Variants in PRPF6 observed in about 807,000 individuals in gnomAD.
PRPF6 encodes pre-mRNA processing factor 6, also known as pre-mRNA-processing factor 6.
In PRPF6, 42 loss-of-function variants were observed where a neutral mutation model predicts 118.3. That is an observed-to-expected ratio of 0.35 (90% CI 0.28 to 0.46). PRPF6 has a LOEUF of 0.46. PRPF6 is among the 20% of genes least tolerant of loss of function. The probability of loss-of-function intolerance (pLI) is 1.00; values close to 1 mark genes in which losing one functional copy is unlikely to be tolerated. For missense variants in PRPF6, 662 were observed against 1,255.7 expected (o/e 0.53, Z 7.15); for synonymous variants, 481 against 485.1 (o/e 0.99, Z 0.11).
Position 64,022,936 on chromosome 20 carries a change from G to A in PRPF6, c.1769+58G>A, listed in dbSNP as rs930123989. 6 of 1,612,360 alleles carry A rather than the reference G, an allele frequency of 3.7e-6. No individual in the cohort carries two copies. In the African/African-American group the frequency reaches 8.0e-5, roughly 22 times the overall value. On this transcript the variant is annotated intron_variant, in intron 13 of 20. Transcript: ENST00000266079. ...TAATGAAACCTCCAGCTCCATTTGT[G>A]TAGCCCTGAATTTAAACCTCTCATG...
At chr20:63,987,311 A>G in intron 3 of PRPF6, among the ~76,000 whole-genome samples, 1 of 151,872 alleles carries the variant, frequency 6.6e-6, no homozygotes, top group Non-Finnish European at 1.5e-5. Context: ...GTTTGAGACC[A>G]TCCTGACCAA....
chr20:64,004,603 C>T (rs1370148278), intron 9 of PRPF6, among the ~76,000 whole-genome samples: 1 of 152,092 alleles, frequency 6.6e-6, no homozygotes, highest in Non-Finnish European at 1.5e-5. Context: ...GGAGAATGGG[C>T]GTTTTGGGTG....
intron 11 of PRPF6, 147 bp from the exon 12 acceptor site, chr20:64,016,576 C>T: frequency 2.0e-6 from 2 of 1,006,570 alleles, no homozygotes; most frequent in Non-Finnish European, 3.0e-6. Flanking sequence ...GTGCAGTAGA[C>T]TCACTTCCTC....
intron 6 of PRPF6, among the ~76,000 whole-genome samples, chr20:63,998,468 G>A (rs2059150770): frequency 6.6e-6 from 1 of 151,880 alleles, no homozygotes; most frequent in African/African-American, 2.4e-5. Context: ...CCAGGAGCTG[G>A]AGGCTGCACT....
rs2059291950 is a variant in PRPF6, at chr20:64,026,529, G to A, written c.2029-453G>A. 6.8e-6 allele frequency among the ~76,000 whole-genome samples: 1 copy of A among 148,138 alleles called. No homozygotes were observed. Among genetic ancestry groups the A allele is most frequent in the Non-Finnish European group, 1.5e-5 (1 of 67,126 alleles). On this transcript the variant is annotated intron_variant, in intron 15 of 20. Coordinates refer to ENST00000266079, the MANE Select transcript of PRPF6 (RefSeq NM_012469.4). The surrounding 1 kb of genome is among the most constrained non-coding windows in gnomAD (Gnocchi z 4.4). ...CAGCAACAACAACAACAACAAACAT[G>A]TTCATACGGCCGGGTGTGGTGGCTC...
chr20:64,017,828 C>T (rs957474537), intron 12 of PRPF6, among the ~76,000 whole-genome samples: 2 of 152,390 alleles, frequency 1.3e-5, no homozygotes. Context: ...AGGACGTTCT[C>T]TTACACAGCC....
chr20:64,028,592 G>GT lies in PRPF6; in HGVS notation c.2431+24dup. On this transcript the variant is annotated intron_variant, in intron 18 of 20. Transcript: ENST00000266079. This position sits in a 1 kb window ranked among gnomAD's most constrained non-coding sequence, Gnocchi z 6.5. ...CCGGTAAGGGGGTGCCCCGACTCCG[G>GT]TAAGGGGGTGCCCTGACTCCGGTAA... 1 of 1,607,922 alleles carries GT rather than the reference G, an allele frequency of 6.2e-7. No homozygotes were observed. Among genetic ancestry groups the GT allele is most frequent in the Non-Finnish European group, 8.5e-7 (1 of 1,177,912 alleles).
intron 14 of PRPF6, among the ~76,000 whole-genome samples, chr20:64,025,082 A>G (rs1051379778): frequency 6.6e-6 from 1 of 152,064 alleles, no homozygotes; most frequent in Admixed American, 6.6e-5. Flanking sequence ...CTTTATTTTC[A>G]CATATAACAT....
At chr20:63,990,679 C>G (rs575798314) in intron 3 of PRPF6, among the ~76,000 whole-genome samples, 14 of 151,034 alleles carry the variant, frequency 9.3e-5, no homozygotes, top group Admixed American at 8.6e-4. Flanking sequence ...GAGTCTCACT[C>G]TATTGCCCAG....
At chr20:64,005,314 C>G (rs572493573) in intron 9 of PRPF6, among the ~76,000 whole-genome samples, 1 of 152,130 alleles carries the variant, frequency 6.6e-6, no homozygotes, top group South Asian at 2.1e-4. Flanking sequence ...AATTGAGTCC[C>G]GCATGAATAT....
At chr20:64,030,607 G>A (rs529756465) in intron 19 of PRPF6, among the ~76,000 whole-genome samples, 2 of 152,258 alleles carry the variant, frequency 1.3e-5, no homozygotes, top group African/African-American at 4.8e-5. Flanking sequence ...TGCCCTGTGC[G>A]TTCACCTCCC....
intron 14 of PRPF6, among the ~76,000 whole-genome samples, chr20:64,025,447 T>G (rs1215597491): frequency 6.6e-6 from 1 of 152,194 alleles, no homozygotes; most frequent in Non-Finnish European, 1.5e-5. Context: ...CTGTGTGAGC[T>G]TCCGTGGCTT....
intron 3 of PRPF6, among the ~76,000 whole-genome samples, chr20:63,987,353 A>G (rs2059099381): frequency 6.6e-6 from 1 of 151,326 alleles, no homozygotes; most frequent in African/African-American, 2.4e-5. Flanking sequence ...CTAAAAATCC[A>G]AAGATTAGTT....
Position 64,027,277 on chromosome 20 carries a change from C to G in PRPF6, c.2205+119C>G. ...AGATGTGGAGGGCTGGGGGTTACAG[C>G]TGATGGAGCTGCAGACTCAGGACCC... On this transcript the variant is annotated intron_variant, in intron 16 of 20. Transcript: ENST00000266079. The surrounding 1 kb of genome is among the most constrained non-coding windows in gnomAD (Gnocchi z 6.5). 7.6e-7 allele frequency: 1 copy of G among 1,322,690 alleles called. No individual in the cohort carries two copies. Among genetic ancestry groups the G allele is most frequent in the Non-Finnish European group, 1.1e-6 (1 of 944,298 alleles). The allele number at this position is 1,322,690 out of a possible 1,614,324, so 81.9% of individuals were successfully genotyped here. A position where few individuals can be genotyped will look rare whatever the true frequency, so the allele number is the denominator to read the frequency against.
chr20:64,027,319 G>A lies in PRPF6; in HGVS notation c.2205+161G>A, dbSNP rs1419940927. On this transcript the variant is annotated intron_variant, in intron 16 of 20. Transcript: ENST00000266079. The surrounding 1 kb of genome is among the most constrained non-coding windows in gnomAD (Gnocchi z 6.5). The stretch of plus-strand genomic sequence containing the variant: ...TCAGGACCCAAACCCTGGTCCCCTC[G>A]CTGAGTTCTGTGCTTTTCCTTATAT... Among the ~76,000 whole-genome samples the A allele has an allele frequency of 1.3e-5, 2 of 152,098 alleles. No homozygotes were observed. The highest frequency in any genetic ancestry group is 6.5e-5 in the Admixed American group (1 of 15,270).
intron 9 of PRPF6, among the ~76,000 whole-genome samples, chr20:64,007,894 A>G (rs928624239): frequency 6.6e-6 from 1 of 152,122 alleles, no homozygotes; most frequent in African/African-American, 2.4e-5. Flanking sequence ...CTCCTGCCTC[A>G]GCCTCCCCAG....
chr20:64,033,088 T>A lies in PRPF6; in HGVS notation c.*95T>A. ...TCCTCCTTCATTAAAAGTTTTTATG[T>A]CTCGTGTCAGAACAGGCAGCCTGCT... On this transcript the variant is annotated 3_prime_UTR_variant, in exon 21 of 21. Transcript: ENST00000266079. The A allele has an allele frequency of 6.4e-7, 1 of 1,558,682 alleles. No homozygotes were observed.
At chr20:64,020,346 G>A (rs1246574276) in intron 12 of PRPF6, among the ~76,000 whole-genome samples, 8 of 152,304 alleles carry the variant, frequency 5.3e-5, no homozygotes. Flanking sequence ...AACCTGGGAG[G>A]TGGAGGTTTC....
At position 64,032,048 on chromosome 20, in the gene PRPF6, A is replaced by AGGCC; in HGVS notation, c.2673+5_2673+8dup. ...TGAGCTGCAGCATGGCACTGAGGTG[A>AGGCC]GGCCCCTCGACAGACCGCCGCTCAG... On this transcript the variant is annotated splice_donor_region_variant and intron_variant, in intron 20 of 20. Coordinates refer to ENST00000266079, the MANE Select transcript of PRPF6 (RefSeq NM_012469.4). The AGGCC allele has an allele frequency of 6.2e-7, 1 of 1,613,926 alleles. No homozygotes were observed.
Sources: allele counts gnomAD v4.1 joint callset (sites outside exome capture counted in the v4.1 genomes callset), GRCh38; gene constraint gnomAD v4.1.1; non-coding constraint Gnocchi (gnomAD v3.1); transcripts MANE v1.5; gene names NCBI Gene and HGNC (gene_info 2026-07-23, HGNC 2026-07-21).